ZNF331: variants seen among roughly 807,000 people sequenced by gnomAD.
ZNF331 encodes the protein C2H2-like zinc finger protein rearranged in thyroid adenomas.
Under a neutral mutation model 7.0 loss-of-function variants are expected in ZNF331, and 2 were observed. The observed-to-expected ratio is 0.29, with a 90% CI of 0.12 to 0.90. ZNF331 has a LOEUF of 0.90. ZNF331 is among the 40% of genes least tolerant of loss of function. The pLI, the probability that ZNF331 is intolerant of heterozygous loss-of-function variation, is 0.58. For missense variants in ZNF331, 432 were observed against 587.7 expected (o/e 0.74, Z 2.74); for synonymous variants, 196 against 205.4 (o/e 0.95, Z 0.39).
At chr19:53,549,344 A>G (rs960688561) in intron 2 of ZNF331, among the ~76,000 whole-genome samples, 1 of 152,180 alleles carries the variant, frequency 6.6e-6, no homozygotes, top group African/African-American at 2.4e-5. Context: ...TGAGCACAGC[A>G]TGTCAATACA....
intron 2 of ZNF331, among the ~76,000 whole-genome samples, chr19:53,546,020 C>T (rs893963411): frequency 2.0e-5 from 3 of 151,876 alleles, no homozygotes; most frequent in Non-Finnish European, 4.4e-5. Flanking sequence ...CGGCTGTGGC[C>T]TGGGGACAGG....
At chr19:53,509,855 G>C in the ZNF331 span, among the ~76,000 whole-genome samples, 506 of 152,274 alleles carry the variant, frequency 3.3e-3, 3 homozygotes, top group African/African-American at 0.011. Context: ...CCACATGGAT[G>C]GGGAGGCCTC....
At chr19:53,564,852 C>A (rs1323500949) in intron 3 of ZNF331, among the ~76,000 whole-genome samples, 1 of 152,130 alleles carries the variant, frequency 6.6e-6, no homozygotes. Context: ...TAAATCAGGT[C>A]AAGGGTACAA....
chr19:53,522,448 G>A (rs2087123296), intron 1 of ZNF331, among the ~76,000 whole-genome samples: 1 of 151,982 alleles, frequency 6.6e-6, no homozygotes, highest in Non-Finnish European at 1.5e-5. Flanking sequence ...TGTTGGCATA[G>A]GTGATCTCGA....
upstream of ZNF331, among the ~76,000 whole-genome samples, chr19:53,516,312 A>G (rs1180227280): frequency 6.6e-6 from 1 of 152,022 alleles, no homozygotes; most frequent in Non-Finnish European, 1.5e-5. Flanking sequence ...TTAGCTGGGC[A>G]TGGGGTGCGT....
At chr19:53,570,359 C>A (rs2090382292) in intron 4 of ZNF331, among the ~76,000 whole-genome samples, 1 of 151,842 alleles carries the variant, frequency 6.6e-6, no homozygotes, top group African/African-American at 2.4e-5. Flanking sequence ...GATCACATAC[C>A]CCAGAATCGG....
chr19:53,547,733 G>A (rs1341804957), intron 2 of ZNF331, among the ~76,000 whole-genome samples: 3 of 152,096 alleles, frequency 2.0e-5, no homozygotes, highest in Non-Finnish European at 4.4e-5. Flanking sequence ...TGTATGAGGT[G>A]ATATCTCATT....
chr19:53,504,596 G>A, the ZNF331 span, among the ~76,000 whole-genome samples: 4 of 151,960 alleles, frequency 2.6e-5, no homozygotes, highest in Admixed American at 6.6e-5. Flanking sequence ...TGTGTCCCTC[G>A]GAGTAGACGG....
intron 2 of ZNF331, among the ~76,000 whole-genome samples, chr19:53,533,020 T>G (rs941178359): frequency 1.3e-5 from 2 of 152,108 alleles, no homozygotes; most frequent in African/African-American, 4.8e-5. Flanking sequence ...TTATTTTTAT[T>G]CCGACTTTTA....
In ZNF331 at chr19:53,580,174, A is replaced by G. The variant is rs1345823235; in HGVS notation, c.*2222A>G. On this transcript the variant is annotated 3_prime_UTR_variant, in exon 6 of 6. Coordinates refer to ENST00000449416, the MANE Select transcript of ZNF331 (RefSeq NM_001079906.2). The stretch of plus-strand genomic sequence containing the variant: ...AATTAGCTTGATTTAATCCTTCCAC[A>G]TTGTATACATGTATCAGAACATCAC... 1 of 198,946 alleles carries G rather than the reference A, an allele frequency of 5.0e-6. No homozygotes were observed. The highest frequency in any genetic ancestry group is 1.0e-5 in the Non-Finnish European group (1 of 96,478). The allele number at this position is 198,946 out of a possible 1,614,324, so 12.3% of individuals were successfully genotyped here.
chr19:53,574,867 A>G (rs1006218433), intron 5 of ZNF331, among the ~76,000 whole-genome samples: 3 of 151,718 alleles, frequency 2.0e-5, no homozygotes, highest in Non-Finnish European at 2.9e-5. Flanking sequence ...GGCACTGTTC[A>G]TATTGGATAA....
intron 2 of ZNF331, among the ~76,000 whole-genome samples, chr19:53,549,331 C>G (rs1474286439): frequency 1.3e-5 from 2 of 152,084 alleles, no homozygotes; most frequent in Admixed American, 1.3e-4. Context: ...GTCCGTTGCC[C>G]CATGAGCACA....
chr19:53,514,628 T>C (rs1286163722), upstream of ZNF331, among the ~76,000 whole-genome samples: 2 of 151,658 alleles, frequency 1.3e-5, no homozygotes, highest in East Asian at 1.9e-4. Flanking sequence ...GCATAGTTGC[T>C]TTTCTTTTTA....
intron 2 of ZNF331, among the ~76,000 whole-genome samples, chr19:53,545,659 C>T (rs906571390): frequency 2.0e-4 from 30 of 152,328 alleles, no homozygotes; most frequent in African/African-American, 7.2e-4. Context: ...ACTTGTATTT[C>T]CATTGTCTCT....
At chr19:53,503,869 A>C in the ZNF331 span, 2 of 685,854 alleles carry the variant, frequency 2.9e-6, no homozygotes, top group African/African-American at 3.7e-5. Context: ...CCACAAAGAC[A>C]AAAGATCTGG....
chr19:53,556,634 G>A (rs1241110982), intron 3 of ZNF331, among the ~76,000 whole-genome samples: 1 of 151,110 alleles, frequency 6.6e-6, no homozygotes, highest in Non-Finnish European at 1.5e-5. Flanking sequence ...CTTTTTTATT[G>A]TTTTTGTTTT....
the ZNF331 span, among the ~76,000 whole-genome samples, chr19:53,510,436 T>A: frequency 6.7e-6 from 1 of 150,272 alleles, no homozygotes; most frequent in African/African-American, 2.4e-5. Flanking sequence ...TTGAACTTTT[T>A]TTTTTTTTTT....
rs188060699 is a variant in ZNF331, at chr19:53,562,015, G to A, written c.-74+6107G>A. Among the ~76,000 whole-genome samples, 253 of 152,264 alleles carry A rather than the reference G, an allele frequency of 1.7e-3. 3 individuals are homozygous for A. Among genetic ancestry groups the A allele is most frequent in the African/African-American group, 5.9e-3 (247 of 41,550 alleles). On this transcript the variant is annotated intron_variant, in intron 3 of 5. Transcript: ENST00000449416. The stretch of plus-strand genomic sequence containing the variant: ...ATACAAAAATTAGGCAGGCGTGGTG[G>A]CGCGCGCCTGTAATCCCAGGTACTT...
chr19:53,573,304 T>C lies in ZNF331; in HGVS notation c.136+1574T>C, dbSNP rs982994831. Among the ~76,000 whole-genome samples, 2 of 150,000 alleles carry C rather than the reference T, an allele frequency of 1.3e-5. No homozygotes were observed. The highest frequency in any genetic ancestry group is 2.5e-5 in the African/African-American group (1 of 40,634). On this transcript the variant is annotated intron_variant, in intron 5 of 5. Coordinates refer to ENST00000449416, the MANE Select transcript of ZNF331 (RefSeq NM_001079906.2). This position sits in a 1 kb window ranked among gnomAD's most constrained non-coding sequence, Gnocchi z 4.2. ...GGCCAAGGCAGACGGATCACGAAGA[T>C]AGGAGTTCGAGACCAGCTTGGCCAA...
Sources: gnomAD v4.1 joint callset for allele counts (sites outside exome capture counted in the v4.1 genomes callset) on GRCh38, gnomAD v4.1.1 for gene constraint, Gnocchi (gnomAD v3.1) non-coding constraint, MANE v1.5 for transcripts, NCBI Gene and HGNC (gene_info 2026-07-23, HGNC 2026-07-21) for gene names.